The following CALM2 variants were observed in gnomAD, a reference collection of about 807,000 sequenced individuals.
The protein encoded by CALM2 is calmodulin 2, also known as calmodulin-2.
In CALM2, 2 loss-of-function variants were observed where a neutral mutation model predicts 19.8. The ratio of observed to expected loss-of-function variants is 0.10; its 90% CI spans 0.04 to 0.32. The LOEUF (loss-of-function observed/expected upper bound fraction) is 0.32, where lower values mean the gene tolerates loss of function less well. Ranked by LOEUF, CALM2 falls within the 10% of genes least tolerant of loss-of-function variation. CALM2 has a pLI of 1.00. For missense variants in CALM2, 38 were observed against 178.7 expected (o/e 0.21, Z 4.49); for synonymous variants, 51 against 52.1 (o/e 0.98, Z 0.09).
upstream of CALM2, chr2:47,176,572 G>A (rs899633621): frequency 1.9e-6 from 3 of 1,549,132 alleles, no homozygotes; most frequent in Admixed American, 2.0e-5. Flanking sequence ...TCCCTCCGCC[G>A]CATCCAGATA....
intron 1 of CALM2, among the ~76,000 whole-genome samples, chr2:47,174,754 A>T (rs981009899): frequency 4.6e-5 from 7 of 151,022 alleles, no homozygotes; most frequent in Non-Finnish European, 1.0e-4. Context: ...CGTTTATTTA[A>T]AAAAAAAAGC....
chr2:47,166,214 G>C (rs1666465268), intron 2 of CALM2, among the ~76,000 whole-genome samples: 1 of 152,122 alleles, frequency 6.6e-6, no homozygotes, highest in Admixed American at 6.5e-5. Flanking sequence ...GAAATATCTA[G>C]AAATACATAT....
At chr2:47,175,431 G>T (rs1208368873) in intron 1 of CALM2, among the ~76,000 whole-genome samples, 1 of 152,198 alleles carries the variant, frequency 6.6e-6, no homozygotes, top group Non-Finnish European at 1.5e-5. Flanking sequence ...TCCGGAGCCT[G>T]CTTCCCTCCG....
At chr2:47,170,834 T>C in intron 1 of CALM2, 70 bp from the exon 2 acceptor site, 1 of 1,284,420 alleles carries the variant, frequency 7.8e-7, no homozygotes, top group Non-Finnish European at 1.1e-6. Flanking sequence ...GAAACAAGTT[T>C]AAAACCTTTC....
intron 1 of CALM2, chr2:47,174,076 G>A (rs1413841352): frequency 3.3e-5 from 5 of 152,136 alleles, no homozygotes; most frequent in Non-Finnish European, 7.4e-5. Context: ...AGACTCAAGT[G>A]ACAAAAATTT....
At chr2:47,171,015 C>T (rs1167422286) in intron 1 of CALM2, 6 of 432,472 alleles carry the variant, frequency 1.4e-5, no homozygotes, top group Non-Finnish European at 2.5e-5. Context: ...CCAATAGAAA[C>T]ATTGCTTCCT....
chr2:47,175,155 C>T (rs529808104), intron 1 of CALM2, among the ~76,000 whole-genome samples: 8 of 132,380 alleles, frequency 6.0e-5, no homozygotes, highest in African/African-American at 2.1e-4. Context: ...TTAAAAATTC[C>T]CTGCTCCTCC....
At chr2:47,162,150 T>C (rs1220045365) in intron 4 of CALM2, 136 bp downstream of exon 4, 1 of 395,120 alleles carries the variant, frequency 2.5e-6, no homozygotes, top group Non-Finnish European at 4.1e-6. Context: ...GCTTGGTAAT[T>C]AAAATATGTT....
chr2:47,176,501 C>G lies in CALM2; in HGVS notation c.-58G>C. On this transcript the variant is annotated 5_prime_UTR_variant, in exon 1 of 6. Coordinates refer to ENST00000272298, the MANE Select transcript of CALM2 (RefSeq NM_001743.6). ...CACACAACCACTCAGCTCGCTCTCT[C>G]CACTCGGACTAATTCGCCTCCTCCG... is the stretch of plus-strand genomic sequence containing the variant. The G allele has an allele frequency of 1.2e-6, 2 of 1,609,974 alleles. No homozygotes were observed. Among genetic ancestry groups the G allele is most frequent in the East Asian group, 2.2e-5 (1 of 44,510 alleles).
intron 1 of CALM2, 119 bp downstream of exon 1, chr2:47,176,321 TC>T: frequency 1.6e-6 from 2 of 1,252,780 alleles, no homozygotes; most frequent in Non-Finnish European, 1.1e-6. Flanking sequence ...TTTCGCGCCA[TC>T]CCTCTGGCAG....
At chr2:47,161,658 C>A (rs1222632319) in intron 5 of CALM2, 65 bp downstream of exon 5, 8 of 1,491,254 alleles carry the variant, frequency 5.4e-6, no homozygotes, top group Non-Finnish European at 7.3e-6. Flanking sequence ...GATCAGTTCC[C>A]TAACAAAGAG....
chr2:47,164,347 AACACACACACAC>A (rs61085424), intron 2 of CALM2, among the ~76,000 whole-genome samples: 22 of 139,894 alleles, frequency 1.6e-4, no homozygotes, highest in Admixed American at 4.2e-4. Context: ...TCTCTACTAA[AACACACACACAC>A]ACACACACAC....
At chr2:47,170,892 T>G in intron 1 of CALM2, 128 bp from the exon 2 acceptor site, 2 of 770,682 alleles carry the variant, frequency 2.6e-6, no homozygotes, top group Non-Finnish European at 4.7e-6. Flanking sequence ...CAAACACATC[T>G]GGATAGAAAA....
upstream of CALM2, chr2:47,176,664 G>A (rs1040356945): frequency 1.4e-4 from 206 of 1,454,556 alleles, no homozygotes; most frequent in Non-Finnish European, 1.8e-4. Flanking sequence ...TTATTTGGTC[G>A]ATGAGGCAAG....
At position 47,161,823 on chromosome 2, in the gene CALM2, G is replaced by A. The variant is rs761547095; in HGVS notation, c.321C>T (p.Arg107=). ...GNGYISAAEL[R]HVMTNLGEKL... is the part of the protein sequence containing the mutation. ...TCTCTCCAAGGTTTGTCATCACATG[G>A]CGAAGTTCTGCAGCACTAATATAGC... Residue 107 remains arginine, a synonymous_variant, in exon 5 of 6, where the codon CGC becomes CGT. Coordinates refer to ENST00000272298, the MANE Select transcript of CALM2 (RefSeq NM_001743.6). 6.2e-7 allele frequency: 1 copy of A among 1,612,634 alleles called. No homozygotes were observed. Among genetic ancestry groups the A allele is most frequent in the South Asian group, 1.1e-5 (1 of 90,922 alleles).
Position 47,167,814 on chromosome 2 carries a change from C to CTTTCTTTTTTTT in CALM2, c.34+2919_34+2920insAAAAAAAAGAAA. The CTTTCTTTTTTTT allele has an allele frequency of 3.2e-3, 306 of 96,484 alleles. 32 individuals are homozygous for CTTTCTTTTTTTT. Among genetic ancestry groups the CTTTCTTTTTTTT allele is most frequent in the African/African-American group, 0.013 (228 of 17,922 alleles). 6.0% of individuals were successfully genotyped at this position (96,484 alleles called of 1,614,324 possible). A position where few individuals can be genotyped will look rare whatever the true frequency, so the allele number is the denominator to read the frequency against. The stretch of plus-strand genomic sequence containing the variant: ...AAAAAAAAAAATTTTTTTTTCTTTT[C>CTTTCTTTTTTTT]TTTGAGACAGGGTCTTGCTGTGTTG... On this transcript the variant is annotated intron_variant, in intron 2 of 5. Transcript: ENST00000272298.
intron 2 of CALM2, among the ~76,000 whole-genome samples, chr2:47,167,235 A>C (rs1288582574): frequency 6.6e-6 from 1 of 152,178 alleles, no homozygotes; most frequent in Non-Finnish European, 1.5e-5. Context: ...AATTTAATGA[A>C]AGTTTAGGTA....
At chr2:47,175,664 G>A (rs1159919681) in intron 1 of CALM2, among the ~76,000 whole-genome samples, 2 of 151,690 alleles carry the variant, frequency 1.3e-5, no homozygotes, top group Admixed American at 1.3e-4. Flanking sequence ...AGAGGGGGAT[G>A]GGAAACCGTC....
At chr2:47,171,041 T>G (rs558187962) in intron 1 of CALM2, 13 of 357,376 alleles carry the variant, frequency 3.6e-5, no homozygotes, top group Middle Eastern at 8.0e-4. Flanking sequence ...AACGTTAGAA[T>G]AGCTAAACTT....
Sources: allele counts gnomAD v4.1 joint callset (sites outside exome capture counted in the v4.1 genomes callset), GRCh38; gene constraint gnomAD v4.1.1; transcripts MANE v1.5; gene names NCBI Gene and HGNC (gene_info 2026-07-23, HGNC 2026-07-21).